The following STXBP5L variants were observed in gnomAD, a reference collection of about 807,000 sequenced individuals.
The protein encoded by STXBP5L is syntaxin binding protein 5L, also known as syntaxin-binding protein 5-like.
A neutral mutation model predicts 144.5 loss-of-function variants in STXBP5L; 65 were observed. The observed-to-expected ratio is 0.45, with a 90% confidence interval of 0.37 to 0.55. The LOEUF (loss-of-function observed/expected upper bound fraction) is 0.55, where lower values mean the gene tolerates loss of function less well. Ranked by LOEUF, STXBP5L falls within the 20% of genes least tolerant of loss-of-function variation. STXBP5L has a pLI of 0.00. For missense variants in STXBP5L, 1,298 were observed against 1,405.5 expected (o/e 0.92, Z 1.22); for synonymous variants, 505 against 469.6 (o/e 1.08, Z -0.97).
intron 1 of STXBP5L, 89 bp from the exon 2 acceptor site, chr3:120,909,482 A>T (rs1043734266): frequency 8.6e-7 from 1 of 1,158,960 alleles, no homozygotes. Context: ...GACTGACTTG[A>T]CTAATGAAAA....
At chr3:121,037,169 G>T (rs1576736243) in intron 3 of STXBP5L, among the ~76,000 whole-genome samples, 1 of 151,606 alleles carries the variant, frequency 6.6e-6, no homozygotes, top group Admixed American at 6.6e-5. Flanking sequence ...CTGGCTTCAA[G>T]CAATCATTCT....
intron 20 of STXBP5L, among the ~76,000 whole-genome samples, chr3:121,352,575 A>G (rs1185212838): frequency 1.3e-5 from 2 of 152,004 alleles, no homozygotes; most frequent in African/African-American, 2.4e-5. Flanking sequence ...AGATAAGGAG[A>G]TTTTGGGCTG....
chr3:121,005,216 C>T (rs572160644), intron 3 of STXBP5L, among the ~76,000 whole-genome samples: 2 of 152,106 alleles, frequency 1.3e-5, no homozygotes, highest in Non-Finnish European at 2.9e-5. Flanking sequence ...TTAATTATTG[C>T]CTCAATTTCA....
chr3:121,205,253 G>A (rs2048293192), intron 9 of STXBP5L, among the ~76,000 whole-genome samples: 1 of 152,256 alleles, frequency 6.6e-6, no homozygotes, highest in South Asian at 2.1e-4. Context: ...GGCTGTAAAG[G>A]CCAAGATTGA....
chr3:121,267,673 C>G (rs994373467), intron 18 of STXBP5L, among the ~76,000 whole-genome samples: 1 of 151,946 alleles, frequency 6.6e-6, no homozygotes, highest in African/African-American at 2.4e-5. Flanking sequence ...TGACAAAGGT[C>G]TAATATCTAG....
At chr3:120,940,488 G>A (rs1363436357) in intron 2 of STXBP5L, among the ~76,000 whole-genome samples, 1 of 151,974 alleles carries the variant, frequency 6.6e-6, no homozygotes, top group African/African-American at 2.4e-5. Context: ...AGTTGAAAGA[G>A]AGGACAGAAT....
chr3:121,090,802 A>T (rs904904187), intron 5 of STXBP5L, among the ~76,000 whole-genome samples: 1 of 152,008 alleles, frequency 6.6e-6, no homozygotes, highest in African/African-American at 2.4e-5. Flanking sequence ...TTATACTTTA[A>T]GTTTTAGGGT....
chr3:120,939,526 C>T (rs1409914990), intron 2 of STXBP5L, among the ~76,000 whole-genome samples: 1 of 152,018 alleles, frequency 6.6e-6, no homozygotes, highest in African/African-American at 2.4e-5. Context: ...CCACAGATAC[C>T]TAAAAGCTAT....
rs567632953 is a variant in STXBP5L at position 121,363,384 on chromosome 3, A to T, written c.2177-15332A>T. ...TTCAAATTTATTTGGAGACACAGAG[A>T]GCTGTAGCCCTTGGTGGTGATGTTT... On this transcript the variant is annotated intron_variant, in intron 20 of 26. Coordinates refer to ENST00000471454, the MANE Select transcript of STXBP5L (RefSeq NM_001308330.2). Among the ~76,000 whole-genome samples, 72 of 152,264 alleles carry T rather than the reference A, an allele frequency of 4.7e-4. 1 individual carries two copies. The East Asian group carries it at 0.013, about 28-fold the overall frequency.
At chr3:121,008,293 C>T (rs144147834) in intron 3 of STXBP5L, among the ~76,000 whole-genome samples, 165 of 152,042 alleles carry the variant, frequency 1.1e-3, no homozygotes, top group African/African-American at 3.8e-3. Flanking sequence ...GCCAGCTGGT[C>T]TAGTGTCATG....
At chr3:121,040,242 A>G (rs951100807) in intron 3 of STXBP5L, among the ~76,000 whole-genome samples, 6 of 152,032 alleles carry the variant, frequency 3.9e-5, no homozygotes, top group Admixed American at 1.3e-4. Flanking sequence ...TTTGTTTAGT[A>G]TGCAGTTAAG....
intron 20 of STXBP5L, among the ~76,000 whole-genome samples, chr3:121,328,506 T>C (rs1042189852): frequency 2.6e-5 from 4 of 152,158 alleles, no homozygotes; most frequent in Non-Finnish European, 4.4e-5. Context: ...CTCAGCACTT[T>C]GGGAGGCCGA....
At chr3:121,030,283 G>T (rs1480476842) in intron 3 of STXBP5L, among the ~76,000 whole-genome samples, 1 of 152,130 alleles carries the variant, frequency 6.6e-6, no homozygotes, top group Non-Finnish European at 1.5e-5. Flanking sequence ...CAACCCAAAT[G>T]CCCATCAGTG....
intron 7 of STXBP5L, among the ~76,000 whole-genome samples, chr3:121,132,595 C>A (rs1322001130): frequency 2.6e-5 from 4 of 152,030 alleles, no homozygotes; most frequent in Non-Finnish European, 4.4e-5. Flanking sequence ...CAGAAAGCAA[C>A]ATAGAGAGTC....
chr3:121,171,784 A>G (rs2046729147), intron 9 of STXBP5L, among the ~76,000 whole-genome samples: 1 of 152,236 alleles, frequency 6.6e-6, no homozygotes, highest in Admixed American at 6.5e-5. Flanking sequence ...GCCCAAAGTA[A>G]TTTATAGATT....
intron 18 of STXBP5L, among the ~76,000 whole-genome samples, chr3:121,268,658 AG>A (rs2050648307): frequency 6.6e-6 from 1 of 152,228 alleles, no homozygotes; most frequent in African/African-American, 2.4e-5. Flanking sequence ...ATGCAAACAA[AG>A]CATTTATATA....
chr3:120,978,088 G>T (rs888001318), intron 3 of STXBP5L, among the ~76,000 whole-genome samples: 2 of 152,066 alleles, frequency 1.3e-5, no homozygotes, highest in African/African-American at 4.8e-5. Flanking sequence ...GTGAATGTTG[G>T]CCTGCCTTGC....
chr3:121,084,930 C>T (rs1392632894), intron 5 of STXBP5L, among the ~76,000 whole-genome samples: 1 of 152,100 alleles, frequency 6.6e-6, no homozygotes, highest in Non-Finnish European at 1.5e-5. Flanking sequence ...GATAGTATCT[C>T]ATTCTAATTT....
At chr3:121,186,793 G>T (rs1311743756) in intron 9 of STXBP5L, among the ~76,000 whole-genome samples, 3 of 152,238 alleles carry the variant, frequency 2.0e-5, no homozygotes, top group African/African-American at 7.2e-5. Flanking sequence ...CATTTATGCA[G>T]CCAAAAGACA....
Sources: allele counts gnomAD v4.1 joint callset (sites outside exome capture counted in the v4.1 genomes callset), GRCh38; gene constraint gnomAD v4.1.1; transcripts MANE v1.5; gene names NCBI Gene and HGNC (gene_info 2026-07-23, HGNC 2026-07-21).